Variants in RYR3 observed in about 807,000 individuals in gnomAD.
RYR3 encodes the protein ryanodine receptor 3.
A neutral mutation model predicts 584.3 loss-of-function variants in RYR3; 207 were observed. The ratio of observed to expected loss-of-function variants is 0.35; its 90% CI spans 0.32 to 0.40. The LOEUF is 0.40. RYR3 is among the 10% of genes least tolerant of loss of function. The pLI is 1.00. For synonymous variants in RYR3, 2,416 were observed against 2,248.5 expected (o/e 1.07, Z -2.11); for missense variants, 5,616 against 6,089.2 (o/e 0.92, Z 2.59).
intron 16 of RYR3, among the ~76,000 whole-genome samples, chr15:33,600,787 C>G (rs1209266174): frequency 6.6e-6 from 1 of 152,158 alleles, no homozygotes; most frequent in African/African-American, 2.4e-5. Flanking sequence ...CATCACCCCA[C>G]CTACAGGAGA....
intron 98 of RYR3, among the ~76,000 whole-genome samples, chr15:33,855,722 T>TA (rs2079584519): frequency 6.6e-6 from 1 of 152,204 alleles, no homozygotes; most frequent in Non-Finnish European, 1.5e-5. Flanking sequence ...GTACACATTT[T>TA]ATGTGTGTAT....
Position 33,359,298 on chromosome 15 carries a change from C to A in RYR3, c.51+48202C>A, listed in dbSNP as rs576127235. ...ACAAAGGCCTCTACTCACTTTCCAG[C>A]GTACTTAAATTCCAAATTCCTCACC... is the stretch of plus-strand genomic sequence containing the variant. On this transcript the variant is annotated intron_variant, in intron 1 of 103. Transcript: ENST00000634891. Among the ~76,000 whole-genome samples, 3 of 152,298 alleles carry A rather than the reference C, an allele frequency of 2.0e-5. No individual in the cohort carries two copies. The South Asian group carries it at 6.2e-4, about 32-fold the overall frequency.
chr15:33,760,308 G>C (rs112032882), intron 60 of RYR3, among the ~76,000 whole-genome samples: 1 of 152,072 alleles, frequency 6.6e-6, no homozygotes, highest in Non-Finnish European at 1.5e-5. Context: ...GCAAATGGGC[G>C]AAATGCCCCA....
chr15:33,813,335 TG>T, intron 73 of RYR3, 131 bp from the exon 74 acceptor site: 1 of 726,834 alleles, frequency 1.4e-6, no homozygotes, highest in South Asian at 1.8e-5. Flanking sequence ...CATCTGCTCC[TG>T]GGTGCATTTT....
At chr15:33,607,427 G>C (rs2059961420) in intron 18 of RYR3, among the ~76,000 whole-genome samples, 1 of 152,134 alleles carries the variant, frequency 6.6e-6, no homozygotes. Flanking sequence ...TTCCTCTTGA[G>C]ACTGGCAGAG....
At chr15:33,404,052 T>C (rs1002123985) in intron 1 of RYR3, among the ~76,000 whole-genome samples, 3 of 152,244 alleles carry the variant, frequency 2.0e-5, no homozygotes, top group Non-Finnish European at 4.4e-5. Flanking sequence ...CATGTTACTG[T>C]TCTTTCAGAA....
chr15:33,320,684 A>G lies in RYR3; in HGVS notation c.51+9588A>G, dbSNP rs1020036226. ...TTCTGTTCTTGTTTTCTCATGTTAA[A>G]TGAGGGTCATAATAGTGCCTATCTG... On this transcript the variant is annotated intron_variant, in intron 1 of 103. Coordinates refer to ENST00000634891, the MANE Select transcript of RYR3 (RefSeq NM_001036.6). 3.9e-5 allele frequency among the ~76,000 whole-genome samples: 6 copies of G among 152,202 alleles called. No individual in the cohort carries two copies. In the South Asian group the frequency reaches 1.2e-3, roughly 31 times the overall value.
At chr15:33,667,051 C>CTTTAT (rs1555400419) in intron 36 of RYR3, among the ~76,000 whole-genome samples, 3 of 152,136 alleles carry the variant, frequency 2.0e-5, no homozygotes, top group Non-Finnish European at 1.5e-5. Flanking sequence ...AAACCACAAA[C>CTTTAT]GTGACCCAAC....
At chr15:33,731,268 GTTCT>G (rs2068924206) in intron 47 of RYR3, among the ~76,000 whole-genome samples, 2 of 144,142 alleles carry the variant, frequency 1.4e-5, no homozygotes, top group African/African-American at 5.0e-5. Flanking sequence ...TTTTTTTTTT[GTTCT>G]TTCTTTTAAC....
intron 75 of RYR3, 101 bp from the exon 76 acceptor site, chr15:33,818,477 G>A (rs567485023): frequency 3.9e-6 from 3 of 778,482 alleles, no homozygotes; most frequent in African/African-American, 1.7e-5. Flanking sequence ...TTAGTCTGAT[G>A]CACTCTGTGC....
intron 44 of RYR3, among the ~76,000 whole-genome samples, 195 bp from the exon 45 acceptor site, chr15:33,723,870 T>C (rs1194098777): frequency 6.6e-6 from 1 of 152,224 alleles, no homozygotes; most frequent in Non-Finnish European, 1.5e-5. Flanking sequence ...GTGAATGTCA[T>C]GGACAAAAAT....
chr15:33,550,928 C>G (rs2056630825), intron 10 of RYR3, among the ~76,000 whole-genome samples: 1 of 152,160 alleles, frequency 6.6e-6, no homozygotes, highest in Admixed American at 6.5e-5. Flanking sequence ...TCTTAGTTTT[C>G]TCCCATCCAT....
At chr15:33,323,487 G>C (rs913796864) in intron 1 of RYR3, among the ~76,000 whole-genome samples, 9 of 152,108 alleles carry the variant, frequency 5.9e-5, no homozygotes, top group Admixed American at 2.6e-4. Context: ...CCCATGCTCA[G>C]ACTATACTTT....
chr15:33,852,851 C>G (rs755920817), intron 94 of RYR3, 194 bp from the exon 95 acceptor site: 3 of 528,686 alleles, frequency 5.7e-6, no homozygotes, highest in Non-Finnish European at 1.0e-5. Context: ...AAAGCCAATA[C>G]AAAGTAATGA....
chr15:33,569,234 A>G (rs977537372), intron 12 of RYR3, among the ~76,000 whole-genome samples: 1 of 152,204 alleles, frequency 6.6e-6, no homozygotes, highest in Non-Finnish European at 1.5e-5. Flanking sequence ...TTGCTGAGTC[A>G]CATATAAATT....
rs374631047 is a variant in RYR3, at chr15:33,668,881, A to G, written c.5620-473A>G. On this transcript the variant is annotated intron_variant, in intron 36 of 103. Transcript: ENST00000634891. The stretch of plus-strand genomic sequence containing the variant: ...CCAGCTTTATAAGGACAAATAATAG[A>G]AACAAATATGTCATAACAGAGTTAA... Among the ~76,000 whole-genome samples the G allele has an allele frequency of 2.0e-5, 3 of 152,364 alleles. No homozygotes were observed. The South Asian group carries it at 6.2e-4, about 32-fold the overall frequency.
chr15:33,783,147 C>G (rs1464746275), intron 65 of RYR3, among the ~76,000 whole-genome samples: 1 of 152,108 alleles, frequency 6.6e-6, no homozygotes, highest in Non-Finnish European at 1.5e-5. Context: ...TCAGAATCAC[C>G]CGGGAGGCTT....
intron 1 of RYR3, among the ~76,000 whole-genome samples, chr15:33,357,730 A>G (rs1306781366): frequency 6.6e-6 from 1 of 152,204 alleles, no homozygotes; most frequent in East Asian, 1.9e-4. Flanking sequence ...ATTTATAAGT[A>G]TTTTAAGAAA....
chr15:33,857,527 A>G (rs9806589), intron 98 of RYR3, among the ~76,000 whole-genome samples: 7,670 of 152,114 alleles, frequency 0.05, 635 homozygotes, highest in African/African-American at 0.17. Context: ...ATGAATTTGA[A>G]GGGACACAAT....
Sources: allele counts gnomAD v4.1 joint callset (sites outside exome capture counted in the v4.1 genomes callset), GRCh38; gene constraint gnomAD v4.1.1; transcripts MANE v1.5; gene names NCBI Gene and HGNC (gene_info 2026-07-23, HGNC 2026-07-21).